The following SYK variants were observed in gnomAD, a reference collection of about 807,000 sequenced individuals.
The protein encoded by SYK is tyrosine-protein kinase SYK.
A neutral mutation model predicts 77.8 loss-of-function variants in SYK; 16 were observed. The observed-to-expected ratio is 0.21, with a 90% CI of 0.14 to 0.31. The LOEUF is 0.31. SYK is among the 10% of genes least tolerant of loss of function. The probability of loss-of-function intolerance (pLI) is 1.00; values close to 1 mark genes in which losing one functional copy is unlikely to be tolerated. For synonymous variants in SYK, 312 were observed against 308.7 expected (o/e 1.01, Z -0.11); for missense variants, 529 against 814.4 (o/e 0.65, Z 4.26).
chr9:90,816,674 G>A (rs898674330), intron 1 of SYK, among the ~76,000 whole-genome samples: 1 of 152,172 alleles, frequency 6.6e-6, no homozygotes, highest in Admixed American at 6.5e-5. Flanking sequence ...CAACTTTGTA[G>A]TCTTTGACTG....
chr9:90,867,622 G>T (rs894500213), intron 7 of SYK, among the ~76,000 whole-genome samples: 13 of 152,214 alleles, frequency 8.5e-5, no homozygotes, highest in African/African-American at 3.1e-4. Flanking sequence ...CCAAGGTTTT[G>T]TGAGGCGCGC....
At chr9:90,853,246 C>T (rs1238810245) in intron 3 of SYK, among the ~76,000 whole-genome samples, 1 of 147,878 alleles carries the variant, frequency 6.8e-6, no homozygotes, top group Non-Finnish European at 1.5e-5. Flanking sequence ...TCTAGTGTGT[C>T]GCTAACTATA....
At chr9:90,877,101 T>C (rs1228842063) in intron 9 of SYK, among the ~76,000 whole-genome samples, 1 of 152,212 alleles carries the variant, frequency 6.6e-6, no homozygotes, top group African/African-American at 2.4e-5. Flanking sequence ...TCACCCAGGC[T>C]GGAGTGAAGT....
chr9:90,850,903 C>T (rs1826795564), intron 3 of SYK, among the ~76,000 whole-genome samples: 1 of 151,982 alleles, frequency 6.6e-6, no homozygotes, highest in Non-Finnish European at 1.5e-5. Context: ...GATTATAAAT[C>T]CTAGGTAATG....
At chr9:90,849,469 A>G (rs1826733993) in intron 3 of SYK, among the ~76,000 whole-genome samples, 1 of 152,052 alleles carries the variant, frequency 6.6e-6, no homozygotes, top group Admixed American at 6.5e-5. Context: ...TTTGCTTTCC[A>G]CTTCCTGACA....
At chr9:90,861,922 C>T (rs1440971058) in intron 3 of SYK, among the ~76,000 whole-genome samples, 1 of 152,190 alleles carries the variant, frequency 6.6e-6, no homozygotes, top group Non-Finnish European at 1.5e-5. Flanking sequence ...CCCAGAGCTC[C>T]TGGGCCCTGC....
At chr9:90,843,636 C>T (rs964420184) in intron 1 of SYK, among the ~76,000 whole-genome samples, 3 of 152,178 alleles carry the variant, frequency 2.0e-5, no homozygotes, top group African/African-American at 4.8e-5. Flanking sequence ...TTGGTCACTT[C>T]CATCAAATGC....
chr9:90,843,143 G>C (rs1286077594), intron 1 of SYK, among the ~76,000 whole-genome samples: 1 of 152,184 alleles, frequency 6.6e-6, no homozygotes, highest in East Asian at 1.9e-4. Context: ...GAGAAGCGGG[G>C]AGAAGACAGC....
At chr9:90,816,979 C>T (rs1349160512) in intron 1 of SYK, among the ~76,000 whole-genome samples, 2 of 152,136 alleles carry the variant, frequency 1.3e-5, no homozygotes, top group Admixed American at 6.5e-5. Context: ...TTGGCTATTG[C>T]GAATAGTGCT....
In SYK at chr9:90,874,667, T is replaced by C. The variant is rs1439858514; in HGVS notation, c.1004-5T>C. On this transcript the variant is annotated splice_polypyrimidine_tract_variant and splice_region_variant and intron_variant, in intron 8 of 13. Transcript: ENST00000375754. ...CAGGTCGTATGTTTCTTGACTGCAT[T>C]GCAGGCCCCCAGAGAGAAGCCCTAC... The C allele has an allele frequency of 6.2e-7, 1 of 1,610,104 alleles. No homozygotes were observed. Among genetic ancestry groups the C allele is most frequent in the Admixed American group, 1.7e-5 (1 of 59,324 alleles).
At chr9:90,821,995 T>A (rs1376575291) in intron 1 of SYK, among the ~76,000 whole-genome samples, 1 of 152,082 alleles carries the variant, frequency 6.6e-6, no homozygotes, top group Non-Finnish European at 1.5e-5. Flanking sequence ...CAGAAACACA[T>A]AAAACAAGTG....
chr9:90,821,113 G>C (rs1330544073), intron 1 of SYK, among the ~76,000 whole-genome samples: 1 of 152,132 alleles, frequency 6.6e-6, no homozygotes, highest in Non-Finnish European at 1.5e-5. Flanking sequence ...GGACCTTATT[G>C]TTAATATCGT....
At chr9:90,855,803 A>G (rs1827018574) in intron 3 of SYK, among the ~76,000 whole-genome samples, 2 of 151,918 alleles carry the variant, frequency 1.3e-5, no homozygotes, top group African/African-American at 4.8e-5. Flanking sequence ...TTTAATTCAC[A>G]GGTCTGTGTA....
At chr9:90,865,586 G>A (rs947022564) in intron 6 of SYK, among the ~76,000 whole-genome samples, 1 of 152,112 alleles carries the variant, frequency 6.6e-6, no homozygotes, top group Non-Finnish European at 1.5e-5. Flanking sequence ...TTGGATTACA[G>A]GCATGAGCCA....
intron 1 of SYK, among the ~76,000 whole-genome samples, chr9:90,820,640 A>G (rs900931137): frequency 6.6e-6 from 1 of 151,862 alleles, no homozygotes; most frequent in African/African-American, 2.4e-5. Flanking sequence ...CCAGGCCACG[A>G]AACCACTTTT....
chr9:90,870,059 C>T (rs540480999), intron 7 of SYK, among the ~76,000 whole-genome samples: 19 of 152,228 alleles, frequency 1.2e-4, no homozygotes, highest in African/African-American at 4.3e-4. Flanking sequence ...AGAGATCGTG[C>T]CATTGCCCTC....
At chr9:90,859,901 G>T (rs1269081651) in intron 3 of SYK, among the ~76,000 whole-genome samples, 1 of 152,240 alleles carries the variant, frequency 6.6e-6, no homozygotes, top group Non-Finnish European at 1.5e-5. Flanking sequence ...TTTTTAACAA[G>T]AAAATGTCAA....
At chr9:90,809,292 G>A (rs577070645) in intron 1 of SYK, among the ~76,000 whole-genome samples, 8 of 152,342 alleles carry the variant, frequency 5.3e-5, no homozygotes, top group East Asian at 1.9e-4. Context: ...AATTCAACCC[G>A]ATTAGAAACG....
intron 1 of SYK, among the ~76,000 whole-genome samples, chr9:90,842,867 G>A (rs192742802): frequency 7.3e-4 from 111 of 151,846 alleles, no homozygotes; most frequent in Non-Finnish European, 1.1e-3. Context: ...TTCCATTCAC[G>A]ACCAGCCCCT....
Sources: allele counts gnomAD v4.1 joint callset (sites outside exome capture counted in the v4.1 genomes callset), GRCh38; gene constraint gnomAD v4.1.1; transcripts MANE v1.5; gene names NCBI Gene and HGNC (gene_info 2026-07-23, HGNC 2026-07-21).